The following WWOX variants were observed in gnomAD, a reference collection of about 807,000 sequenced individuals.
WWOX encodes WW domain-containing oxidoreductase.
Under a neutral mutation model 46.2 loss-of-function variants are expected in WWOX, and 69 were observed. The ratio of observed to expected loss-of-function variants is 1.49; its 90% CI spans 1.23 to 1.82. The LOEUF (loss-of-function observed/expected upper bound fraction) is 1.82. WWOX is among the 40% of genes most tolerant of loss of function. The pLI is 0.00. For synonymous variants in WWOX, 359 were observed against 202.6 expected (o/e 1.77, Z -6.56); for missense variants, 919 against 542.6 (o/e 1.69, Z -6.89).
At chr16:78,575,021 AAATATATATATATATATATATAT>A (rs2044823628) in intron 8 of WWOX, among the ~76,000 whole-genome samples, 1 of 13,334 alleles carries the variant, frequency 7.5e-5, no homozygotes, top group African/African-American at 5.1e-4. Flanking sequence ...ATATATATAT[AAATATATATATATATATATATAT>A]ATATATATAT....
intron 8 of WWOX, among the ~76,000 whole-genome samples, chr16:78,947,872 C>T (rs963701175): frequency 3.9e-5 from 6 of 152,170 alleles, no homozygotes; most frequent in East Asian, 1.9e-4. Flanking sequence ...TGTAAGCATC[C>T]TTCCAACAGG....
chr16:78,725,918 CT>C (rs1009237402), intron 8 of WWOX, among the ~76,000 whole-genome samples: 5 of 152,012 alleles, frequency 3.3e-5, no homozygotes, highest in African/African-American at 1.2e-4. Context: ...CTTTTCTTCT[CT>C]TTTTTCTCCT....
chr16:78,149,431 A>G (rs930477292), intron 4 of WWOX, among the ~76,000 whole-genome samples: 2 of 152,226 alleles, frequency 1.3e-5, no homozygotes, highest in Admixed American at 6.5e-5. Flanking sequence ...GACAGTGTTA[A>G]TTCTGAGCCC....
At chr16:78,665,260 C>T (rs922916374) in intron 8 of WWOX, among the ~76,000 whole-genome samples, 8 of 152,150 alleles carry the variant, frequency 5.3e-5, no homozygotes, top group African/African-American at 1.9e-4. Flanking sequence ...CATCTTGCCA[C>T]GCACATCCTA....
At position 79,162,850 on chromosome 16, in the gene WWOX, A is replaced by G. The variant is rs141949648; in HGVS notation, c.1057-48758A>G. On this transcript the variant is annotated intron_variant, in intron 8 of 8. Coordinates refer to ENST00000566780, the MANE Select transcript of WWOX (RefSeq NM_016373.4). Reference sequence around the variant, plus strand: ...AACCTTCTGCAAACCATGTCTTCCCAGAGAGCTTCTAAGCCAAAGCAAAGG... The same window carrying G: ...AACCTTCTGCAAACCATGTCTTCCCGGAGAGCTTCTAAGCCAAAGCAAAGG... Among the ~76,000 whole-genome samples the G allele has an allele frequency of 3.9e-3, 589 of 152,260 alleles. 2 individuals are homozygous for G. Among genetic ancestry groups the G allele is most frequent in the African/African-American group, 0.013 (555 of 41,552 alleles).
chr16:78,469,687 C>T lies in WWOX; in HGVS notation c.1056+36935C>T, dbSNP rs1312626803. On this transcript the variant is annotated intron_variant, in intron 8 of 8. Transcript: ENST00000566780. ...GGGAATAGTCTATGGATTCTGCTTA[C>T]ACCATGGACAACCAGGCTGGGCCAT... Among the ~76,000 whole-genome samples, 5 of 152,194 alleles carry T rather than the reference C, an allele frequency of 3.3e-5. No homozygotes were observed. In the East Asian group the frequency reaches 5.8e-4, roughly 18 times the overall value.
intron 1 of WWOX, among the ~76,000 whole-genome samples, chr16:78,107,444 C>G (rs957329058): frequency 1.3e-5 from 2 of 152,130 alleles, no homozygotes; most frequent in African/African-American, 2.4e-5. Flanking sequence ...AAGTGCTATG[C>G]GAAACCCTGG....
chr16:78,353,202 G>C (rs567774630), intron 5 of WWOX, among the ~76,000 whole-genome samples: 60 of 152,250 alleles, frequency 3.9e-4, no homozygotes, highest in African/African-American at 1.4e-3. Flanking sequence ...CTTCATTGCT[G>C]CTTTGCAAAG....
intron 8 of WWOX, among the ~76,000 whole-genome samples, chr16:78,589,877 G>A (rs1374512100): frequency 6.6e-6 from 1 of 152,146 alleles, no homozygotes; most frequent in Admixed American, 6.5e-5. Flanking sequence ...GGGAAAAATG[G>A]AAAACTCCAG....
intron 5 of WWOX, among the ~76,000 whole-genome samples, chr16:78,308,664 A>T (rs1027082343): frequency 2.0e-5 from 3 of 152,118 alleles, no homozygotes; most frequent in African/African-American, 7.2e-5. Context: ...GATCCAGGAG[A>T]GATTCACTAG....
intron 5 of WWOX, among the ~76,000 whole-genome samples, chr16:78,246,333 T>C (rs1398012761): frequency 6.6e-6 from 1 of 152,194 alleles, no homozygotes; most frequent in Non-Finnish European, 1.5e-5. Flanking sequence ...TTCATACATA[T>C]ACTAACATGC....
intron 8 of WWOX, among the ~76,000 whole-genome samples, chr16:78,684,416 T>C (rs781100996): frequency 2.0e-5 from 3 of 152,180 alleles, no homozygotes; most frequent in African/African-American, 4.8e-5. Flanking sequence ...TTTTGCAGTT[T>C]AGGGCCAAGT....
rs372724923 is a variant in WWOX at position 78,496,953 on chromosome 16, A to G, written c.1056+64201A>G. 1.5e-3 allele frequency among the ~76,000 whole-genome samples: 235 copies of G among 152,336 alleles called. 9 individuals carry two copies. The South Asian group carries it at 0.046, about 30-fold the overall frequency. Reference sequence around the variant, plus strand: ...GCCCTCTCAAGCCATCCAGAAGGAGAATGAAATGCTCAAATCAAGGGAGTT... The same window carrying G: ...GCCCTCTCAAGCCATCCAGAAGGAGGATGAAATGCTCAAATCAAGGGAGTT... On this transcript the variant is annotated intron_variant, in intron 8 of 8. Transcript: ENST00000566780.
In WWOX at chr16:78,560,211, T is replaced by C. The variant is rs113244121; in HGVS notation, c.1056+127459T>C. On this transcript the variant is annotated intron_variant, in intron 8 of 8. Coordinates refer to ENST00000566780, the MANE Select transcript of WWOX (RefSeq NM_016373.4). ...TCAGTACTACTGAAACAGGTACCTT[T>C]TGTGGAATTGATTCTGAAATCTGTT... 4.7e-4 allele frequency among the ~76,000 whole-genome samples: 72 copies of C among 152,352 alleles called. 1 individual carries two copies. The highest frequency in any genetic ancestry group is 1.4e-3 in the African/African-American group (58 of 41,592).
chr16:78,783,972 T>C (rs780610967), intron 8 of WWOX, among the ~76,000 whole-genome samples: 13 of 151,986 alleles, frequency 8.6e-5, no homozygotes, highest in Non-Finnish European at 1.5e-4. Flanking sequence ...CTGGTGATGA[T>C]GATAATGATA....
At chr16:78,297,564 T>C (rs1229558352) in intron 5 of WWOX, among the ~76,000 whole-genome samples, 1 of 152,208 alleles carries the variant, frequency 6.6e-6, no homozygotes, top group Non-Finnish European at 1.5e-5. Flanking sequence ...TTTGAATGTA[T>C]TATGGACTGA....
At chr16:79,072,597 A>C (rs1597347943) in intron 8 of WWOX, among the ~76,000 whole-genome samples, 1 of 152,316 alleles carries the variant, frequency 6.6e-6, no homozygotes, top group South Asian at 2.1e-4. Flanking sequence ...GCGCTTTACA[A>C]GATATTCAGT....
At chr16:78,186,190 C>G (rs538175239) in intron 5 of WWOX, among the ~76,000 whole-genome samples, 9 of 151,522 alleles carry the variant, frequency 5.9e-5, no homozygotes, top group African/African-American at 1.9e-4. Context: ...TTGAGACATA[C>G]TAGGTTAAAT....
In WWOX at chr16:78,487,964, C is replaced by G. The variant is rs567085467; in HGVS notation, c.1056+55212C>G. ...TTTCTACCCTAGGATCATTATCCCA[C>G]CTTCCCCAAGCTTCGAAAGAGGTAC... is the stretch of plus-strand genomic sequence containing the variant. On this transcript the variant is annotated intron_variant, in intron 8 of 8. Transcript: ENST00000566780. 6.6e-5 allele frequency among the ~76,000 whole-genome samples: 10 copies of G among 152,290 alleles called. No individual in the cohort carries two copies. The South Asian group carries it at 2.1e-3, about 32-fold the overall frequency.
Sources: allele counts gnomAD v4.1 joint callset (sites outside exome capture counted in the v4.1 genomes callset), GRCh38; gene constraint gnomAD v4.1.1; transcripts MANE v1.5; gene names NCBI Gene and HGNC (gene_info 2026-07-23, HGNC 2026-07-21).